Variants in SPRED2 observed in about 807,000 individuals in gnomAD.
SPRED2 encodes the protein sprouty-related, EVH1 domain-containing protein 2.
In SPRED2, 47 loss-of-function variants were observed where a neutral mutation model predicts 43.0. That is an observed-to-expected ratio of 1.09 (90% CI 0.87 to 1.40). The LOEUF (loss-of-function observed/expected upper bound fraction) is 1.40, where lower values mean the gene tolerates loss of function less well. Ranked by LOEUF, SPRED2 falls within the 40% of genes most tolerant of loss-of-function variation. SPRED2 has a pLI of 0.00. For synonymous variants in SPRED2, 225 were observed against 225.7 expected (o/e 1.00, Z 0.03); for missense variants, 561 against 586.4 (o/e 0.96, Z 0.45).
intron 1 of SPRED2, among the ~76,000 whole-genome samples, chr2:65,357,328 A>G (rs2104303261): frequency 6.6e-6 from 1 of 152,328 alleles, no homozygotes; most frequent in Non-Finnish European, 1.5e-5. Flanking sequence ...AGAGTGGTAT[A>G]GAGGTCAGCC....
chr2:65,415,634 A>C (rs575779362), intron 1 of SPRED2, among the ~76,000 whole-genome samples: 2 of 152,302 alleles, frequency 1.3e-5, no homozygotes, highest in East Asian at 3.9e-4. Context: ...ATTTCTGAAA[A>C]CATTAATAGA....
chr2:65,322,318 G>A (rs1466683414), intron 4 of SPRED2, among the ~76,000 whole-genome samples: 2 of 106,588 alleles, frequency 1.9e-5, no homozygotes, highest in Non-Finnish European at 3.6e-5. Flanking sequence ...TTTTGAGACG[G>A]AGTCTTGCTC....
rs539861931 is a variant in SPRED2 at position 65,345,349 on chromosome 2, C to T, written c.27-453G>A. Reference sequence around the variant, plus strand: ...CGCGATGTCGGCTCACTGCAACCTCCGCCTCCCGGGTTCAAGCGATTCTGA... The same window carrying T: ...CGCGATGTCGGCTCACTGCAACCTCTGCCTCCCGGGTTCAAGCGATTCTGA... On this transcript the variant is annotated intron_variant, in intron 1 of 5. Transcript: ENST00000356388. Among the ~76,000 whole-genome samples, 25 of 149,166 alleles carry T rather than the reference C, an allele frequency of 1.7e-4. No homozygotes were observed. In the South Asian group the frequency reaches 2.0e-3, roughly 12 times the overall value.
intron 1 of SPRED2, among the ~76,000 whole-genome samples, chr2:65,405,342 C>T (rs760565804): frequency 6.6e-6 from 1 of 152,186 alleles, no homozygotes; most frequent in Non-Finnish European, 1.5e-5. Flanking sequence ...CTGAAATGTC[C>T]TTTTCAACCT....
rs1213115786 is a variant in SPRED2 at position 65,313,765 on chromosome 2, G to A, written c.993C>T (p.Asp331=). The A allele has an allele frequency of 6.2e-7, 1 of 1,614,202 alleles. No individual in the cohort carries two copies. Among genetic ancestry groups the A allele is most frequent in the East Asian group, 2.2e-5 (1 of 44,878 alleles). ...CCCGGCGGATGCAAGTTCTCACGGA[G>A]TCGGGCGCGTCCTGGCAGTGGCCCC... is the stretch of plus-strand genomic sequence containing the variant. The part of the protein sequence containing the change: ...NRRGHCQDAP[D]SVRTCIRRVS... The change falls in exon 6 of 6, where the codon GAC becomes GAT. Residue 331 remains aspartate, a synonymous_variant. Transcript: ENST00000356388.
chr2:65,377,696 G>A (rs1240337023), intron 1 of SPRED2: 1 of 471,266 alleles, frequency 2.1e-6, no homozygotes, highest in South Asian at 1.5e-5. Context: ...GCACACCAAG[G>A]AAAGGAAGGC....
intron 1 of SPRED2, among the ~76,000 whole-genome samples, chr2:65,353,177 A>T (rs1674558005): frequency 6.6e-6 from 1 of 151,992 alleles, no homozygotes; most frequent in African/African-American, 2.4e-5. Context: ...GTTTTCCTTC[A>T]CTCTGTTGGG....
intron 1 of SPRED2, chr2:65,366,599 G>A (rs375066578): frequency 1.8e-4 from 272 of 1,553,612 alleles, no homozygotes; most frequent in Non-Finnish European, 2.2e-4. Context: ...CCTGCCAGGC[G>A]ATGCCATTTC....
downstream of SPRED2, among the ~76,000 whole-genome samples, chr2:65,308,126 A>G (rs891506431): frequency 1.3e-5 from 2 of 152,236 alleles, no homozygotes; most frequent in African/African-American, 4.8e-5. Context: ...TGGGTAGTGG[A>G]CCAGCATCAG....
intron 1 of SPRED2, among the ~76,000 whole-genome samples, chr2:65,346,602 A>ACCT (rs1167678782): frequency 6.6e-6 from 1 of 152,026 alleles, no homozygotes; most frequent in Non-Finnish European, 1.5e-5. Flanking sequence ...TACCTCATAT[A>ACCT]AGTTCCTTTC....
intron 1 of SPRED2, among the ~76,000 whole-genome samples, chr2:65,362,606 C>T (rs1021069894): frequency 7.2e-5 from 11 of 152,030 alleles, no homozygotes; most frequent in African/African-American, 2.7e-4. Context: ...AAATAAGAAT[C>T]CAACTGGGTT....
At chr2:65,341,491 A>C (rs1047352745) in intron 2 of SPRED2, among the ~76,000 whole-genome samples, 2 of 152,122 alleles carry the variant, frequency 1.3e-5, no homozygotes, top group African/African-American at 4.8e-5. Context: ...TATTATGCCA[A>C]GTTAGTGTGA....
Position 65,312,637 on chromosome 2 carries a change from A to G in SPRED2, c.*864T>C, listed in dbSNP as rs1304553445. The G allele has an allele frequency of 1.4e-5, 14 of 985,756 alleles. No homozygotes were observed. Among genetic ancestry groups the G allele is most frequent in the Non-Finnish European group, 1.6e-5 (13 of 829,932 alleles). 61.1% of individuals were successfully genotyped at this position (985,756 alleles called of 1,614,324 possible). A position where few individuals can be genotyped will look rare whatever the true frequency, so the allele number is the denominator to read the frequency against. On this transcript the variant is annotated 3_prime_UTR_variant, in exon 6 of 6. Transcript: ENST00000356388. ...CTAAATTTTTAGAAGTGGTGGCAAC[A>G]CAATTTAAAAAATGTTCTACTTTAG...
At chr2:65,366,436 G>A (rs901242080) in intron 1 of SPRED2, among the ~76,000 whole-genome samples, 3 of 152,162 alleles carry the variant, frequency 2.0e-5, no homozygotes, top group Non-Finnish European at 4.4e-5. Flanking sequence ...GTCCTTGCAC[G>A]TGGGCACACA....
At chr2:65,372,157 G>A (rs942963000) in intron 1 of SPRED2, among the ~76,000 whole-genome samples, 2 of 152,114 alleles carry the variant, frequency 1.3e-5, no homozygotes, top group South Asian at 4.2e-4. Context: ...GTTTCTTTAG[G>A]GAAAGGCAAA....
chr2:65,394,531 C>A (rs1675709145), intron 1 of SPRED2, among the ~76,000 whole-genome samples: 1 of 152,224 alleles, frequency 6.6e-6, no homozygotes, highest in African/African-American at 2.4e-5. Context: ...ACAGGTTTCA[C>A]AGACGCTAGA....
At chr2:65,309,510 A>G (rs1464380833), downstream of SPRED2, among the ~76,000 whole-genome samples, 1 of 150,992 alleles carries the variant, frequency 6.6e-6, no homozygotes, top group Non-Finnish European at 1.5e-5. Flanking sequence ...TGTCTCAAAA[A>G]AAAAAAAAAA....
chr2:65,344,937 T>C lies in SPRED2; in HGVS notation c.27-41A>G, dbSNP rs762896762. 2.2e-5 allele frequency: 35 copies of C among 1,575,996 alleles called. 1 individual carries two copies. The East Asian group carries it at 7.7e-4, about 35-fold the overall frequency. ...GAAGAAGCACAGGGCATGACAATGG[T>C]CTGGTAGTTGCAGAACACGTTTCAA... On this transcript the variant is annotated intron_variant, in intron 1 of 5. Transcript: ENST00000356388.
chr2:65,401,937 G>GCGCGCACACACACACACACACACACA (rs776512353), intron 1 of SPRED2, among the ~76,000 whole-genome samples: 1 of 114,760 alleles, frequency 8.7e-6, no homozygotes, highest in Non-Finnish European at 1.9e-5. Flanking sequence ...GCGCGCGCGC[G>GCGCGCACACACACACACACACACACA]CACACACACA....
Sources: allele counts gnomAD v4.1 joint callset (sites outside exome capture counted in the v4.1 genomes callset), GRCh38; gene constraint gnomAD v4.1.1; transcripts MANE v1.5; gene names NCBI Gene and HGNC (gene_info 2026-07-23, HGNC 2026-07-21).